MPC2: variants seen among roughly 807,000 people sequenced by gnomAD.
The protein encoded by MPC2 is brain protein 44.
Under a neutral mutation model 19.2 loss-of-function variants are expected in MPC2, and 19 were observed. The observed-to-expected ratio is 0.99, with a 90% confidence interval of 0.69 to 1.45. The LOEUF is 1.45. Among genes scored for constraint, MPC2 ranks in the 40% most tolerant of loss-of-function variants. MPC2 has a pLI of 0.00. For synonymous variants in MPC2, 61 were observed against 54.3 expected, an observed-to-expected ratio of 1.12 and a Z score of -0.54; for missense variants, 122 against 153.0, an observed-to-expected ratio of 0.80 and a Z score of 1.07.
At chr1:167,936,638 C>T (rs932682180) in intron 1 of MPC2, 19 of 388,000 alleles carry the variant, frequency 4.9e-5, no homozygotes, top group African/African-American at 3.9e-4. Flanking sequence ...CCTCCGCCTC[C>T]TCCTGTTGGA....
rs1037386764 is a variant in MPC2 at position 167,935,908 on chromosome 1, A to T, written c.-57-10T>A. ...GTGTTCTCGTCCCTGGCTGACAACG[A>T]AGGGGAGCTAGTCACTTTTCCTGCC... On this transcript the variant is annotated splice_polypyrimidine_tract_variant and intron_variant, in intron 1 of 5. Coordinates refer to ENST00000271373, the MANE Select transcript of MPC2 (RefSeq NM_001143674.4). The T allele has an allele frequency of 2.1e-5, 26 of 1,223,588 alleles. No homozygotes were observed. In the African/African-American group the frequency reaches 3.3e-4, roughly 16 times the overall value. The allele number at this position is 1,223,588 out of a possible 1,614,324, so 75.8% of individuals were successfully genotyped here.
chr1:167,922,638 T>C (rs1406227698), intron 3 of MPC2, among the ~76,000 whole-genome samples: 1 of 151,928 alleles, frequency 6.6e-6, no homozygotes, highest in Non-Finnish European at 1.5e-5. Context: ...AAAATACAGC[T>C]CCCGAATGAC....
At chr1:167,933,025 C>T (rs1670955359) in intron 2 of MPC2, among the ~76,000 whole-genome samples, 1 of 152,018 alleles carries the variant, frequency 6.6e-6, no homozygotes, top group African/African-American at 2.4e-5. Flanking sequence ...GGCTAGAACT[C>T]TATTCCTTCT....
rs1671151438 is a variant in MPC2, at chr1:167,935,953, T to A, written c.-57-55A>T. On this transcript the variant is annotated intron_variant, in intron 1 of 5. Transcript: ENST00000271373. ...CCTGCCACGACGACTCGCGTCCGCCTCTCGCCTGGAGTACCCTTCCCGCGG... is the reference window on the plus strand; with the variant it reads ...CCTGCCACGACGACTCGCGTCCGCCACTCGCCTGGAGTACCCTTCCCGCGG... 5.0e-6 allele frequency: 4 copies of A among 807,620 alleles called. No individual in the cohort carries two copies. In the East Asian group the frequency reaches 1.1e-4, roughly 22 times the overall value. The allele number at this position is 807,620 out of a possible 1,614,324, so 50.0% of individuals were successfully genotyped here.
intron 2 of MPC2, among the ~76,000 whole-genome samples, chr1:167,929,700 C>T (rs1020657489): frequency 6.6e-6 from 1 of 152,132 alleles, no homozygotes; most frequent in Non-Finnish European, 1.5e-5. Context: ...GGCCACCTAT[C>T]GTATATATGA....
chr1:167,921,229 C>T (rs949023686), intron 3 of MPC2, among the ~76,000 whole-genome samples: 1 of 150,644 alleles, frequency 6.6e-6, no homozygotes, highest in African/African-American at 2.4e-5. Context: ...TTGGTTAGAT[C>T]ATTTTTTTTT....
At chr1:167,924,010 G>C (rs1670669494) in intron 3 of MPC2, among the ~76,000 whole-genome samples, 1 of 152,228 alleles carries the variant, frequency 6.6e-6, no homozygotes, top group African/African-American at 2.4e-5. Flanking sequence ...CTTTGGGGAA[G>C]AGTAAAAGCA....
At chr1:167,924,350 A>G (rs1408325579) in intron 3 of MPC2, 147 bp downstream of exon 3, 21 of 588,192 alleles carry the variant, frequency 3.6e-5, no homozygotes, top group East Asian at 2.3e-4. Context: ...GTAGAAAACG[A>G]TATGTCTGAG....
intron 2 of MPC2, among the ~76,000 whole-genome samples, chr1:167,925,592 G>A (rs1381040491): frequency 1.4e-5 from 2 of 146,168 alleles, no homozygotes; most frequent in Non-Finnish European, 3.0e-5. Context: ...TGTTGCCCAG[G>A]CTGGAGTGCA....
At chr1:167,925,468 TATATATAC>T (rs60167148) in intron 2 of MPC2, among the ~76,000 whole-genome samples, 2,360 of 115,962 alleles carry the variant, frequency 0.02, 152 homozygotes, top group Admixed American at 0.12. Flanking sequence ...TATATATATA[TATATATAC>T]ATATACATAT....
chr1:167,935,923 C>G lies in MPC2; in HGVS notation c.-57-25G>C, dbSNP rs1671148623. 2.8e-6 allele frequency: 3 copies of G among 1,080,252 alleles called. No individual in the cohort carries two copies. The Admixed American group carries it at 6.2e-5, about 22-fold the overall frequency. The allele number at this position is 1,080,252 out of a possible 1,614,324, so 66.9% of individuals were successfully genotyped here. A position where few individuals can be genotyped will look rare whatever the true frequency, so the allele number is the denominator to read the frequency against. On this transcript the variant is annotated intron_variant, in intron 1 of 5. Coordinates refer to ENST00000271373, the MANE Select transcript of MPC2 (RefSeq NM_001143674.4). Reference sequence around the variant, plus strand: ...GCTGACAACGAAGGGGAGCTAGTCACTTTTCCTGCCACGACGACTCGCGTC... The same window carrying G: ...GCTGACAACGAAGGGGAGCTAGTCAGTTTTCCTGCCACGACGACTCGCGTC...
intron 3 of MPC2, among the ~76,000 whole-genome samples, chr1:167,921,046 C>A (rs1670587863): frequency 1.3e-5 from 2 of 152,006 alleles, no homozygotes; most frequent in African/African-American, 2.4e-5. Flanking sequence ...TGTATAGATT[C>A]TTCCTTTGAT....
Position 167,920,547 on chromosome 1 carries a change from C to T in MPC2, c.235G>A (p.Gly79Arg). 2 of 1,613,258 alleles carry T rather than the reference C, an allele frequency of 1.2e-6. No individual in the cohort carries two copies. Among genetic ancestry groups the T allele is most frequent in the Non-Finnish European group, 1.7e-6 (2 of 1,179,546 alleles). ...CACAGAAGATATTTATTTAATTTAC[C>T]TGTAGCCATCAAAACAGCAGATTGA... ...TAQSAVLMAT[G>R]FIWSRYSLVI... is the part of the protein sequence containing the mutation. Residue 79 changes from glycine to arginine, a missense_variant and splice_region_variant, in exon 4 of 6, where the codon GGG becomes AGG. Gly to Arg is a moderately radical substitution (Grantham distance 125). Transcript: ENST00000271373.
intron 2 of MPC2, among the ~76,000 whole-genome samples, chr1:167,926,620 ATGCTGCTGCTGCTGCCGC>A (rs1408641938): frequency 6.6e-6 from 1 of 152,138 alleles, no homozygotes; most frequent in East Asian, 1.9e-4. Context: ...ACTGCTGCAG[ATGCTGCTGCTGCTGCCGC>A]TGCTGCTGCC....
intron 2 of MPC2, among the ~76,000 whole-genome samples, chr1:167,932,537 G>A (rs1048602501): frequency 1.3e-5 from 2 of 152,024 alleles, no homozygotes; most frequent in African/African-American, 4.8e-5. Flanking sequence ...GGCCGGGTGT[G>A]GTTGCTCACA....
intron 2 of MPC2, among the ~76,000 whole-genome samples, chr1:167,925,965 A>G (rs953104913): frequency 2.0e-5 from 3 of 152,202 alleles, no homozygotes; most frequent in African/African-American, 7.2e-5. Flanking sequence ...TGATTTTCTA[A>G]TTTAATCCTA....
At position 167,924,279 on chromosome 1, in the gene MPC2, T is replaced by C. The variant is rs114322183; in HGVS notation, c.150+218A>G. Among the ~76,000 whole-genome samples, 390 of 152,302 alleles carry C rather than the reference T, an allele frequency of 2.6e-3. 2 individuals carry two copies. The highest frequency in any genetic ancestry group is 8.5e-3 in the African/African-American group (353 of 41,576). The stretch of plus-strand genomic sequence containing the variant: ...ATTGTAAGTTTTTTGATAACAAGTA[T>C]GTTCCCAGAAGGCCTCTTATCTAAA... On this transcript the variant is annotated intron_variant, in intron 3 of 5. Coordinates refer to ENST00000271373, the MANE Select transcript of MPC2 (RefSeq NM_001143674.4).
chr1:167,932,364 C>T (rs1351226157), intron 2 of MPC2, among the ~76,000 whole-genome samples: 2 of 152,016 alleles, frequency 1.3e-5, no homozygotes, highest in East Asian at 1.9e-4. Context: ...TAACAGTAAA[C>T]GTTACTGGAA....
At chr1:167,925,438 T>TACAC (rs201145744) in intron 2 of MPC2, among the ~76,000 whole-genome samples, 3 of 79,030 alleles carry the variant, frequency 3.8e-5, no homozygotes, top group East Asian at 3.0e-4. Context: ...GATATACATA[T>TACAC]ACACATATAT....
Sources: gnomAD v4.1 joint callset for allele counts (sites outside exome capture counted in the v4.1 genomes callset) on GRCh38, gnomAD v4.1.1 for gene constraint, MANE v1.5 for transcripts, NCBI Gene and HGNC (gene_info 2026-07-23, HGNC 2026-07-21) for gene names.